TSHZ3: variants seen among roughly 807,000 people sequenced by gnomAD.
The protein encoded by TSHZ3 is teashirt homolog 3.
TSHZ3 carries 10 observed loss-of-function variants against 64.5 expected under a neutral mutation model. That is an observed-to-expected ratio of 0.16 (90% CI 0.10 to 0.26). The LOEUF is 0.26. TSHZ3 is among the 10% of genes least tolerant of loss of function. TSHZ3 has a pLI of 1.00. For synonymous variants in TSHZ3, 608 were observed against 593.1 expected (o/e 1.03, Z -0.36); for missense variants, 1,242 against 1,421.7 (o/e 0.87, Z 2.03).
chr19:31,199,595 AT>A (rs1162885625), intron 5 of TSHZ3, among the ~76,000 whole-genome samples: 1 of 150,158 alleles, frequency 6.7e-6, no homozygotes, highest in African/African-American at 2.5e-5. Flanking sequence ...CCCCAAATGA[AT>A]TTGAAACCAC....
intron 5 of TSHZ3, among the ~76,000 whole-genome samples, chr19:31,164,393 A>G (rs185271104): frequency 5.5e-4 from 84 of 152,336 alleles, no homozygotes; most frequent in African/African-American, 1.9e-3. Flanking sequence ...TAATAACCAA[A>G]GAAAGAAACA....
At chr19:31,212,689 T>C (rs1328743309) in intron 4 of TSHZ3, among the ~76,000 whole-genome samples, 1 of 152,046 alleles carries the variant, frequency 6.6e-6, no homozygotes, top group Non-Finnish European at 1.5e-5. Context: ...GGAAGACAGT[T>C]TGGTGGCTTC....
intron 1 of TSHZ3, among the ~76,000 whole-genome samples, chr19:31,319,489 A>G (rs779123176): frequency 2.0e-4 from 30 of 152,176 alleles, no homozygotes; most frequent in Non-Finnish European, 1.5e-4. Context: ...CCCTAAGGTG[A>G]GCATATCCAG....
chr19:31,329,844 T>C (rs1917027427), intron 1 of TSHZ3, among the ~76,000 whole-genome samples: 1 of 152,190 alleles, frequency 6.6e-6, no homozygotes, highest in Admixed American at 6.5e-5. Flanking sequence ...AATTCTATCT[T>C]CAGTCCCATC....
At chr19:31,248,669 T>C (rs1975791029) in intron 1 of TSHZ3, among the ~76,000 whole-genome samples, 1 of 150,442 alleles carries the variant, frequency 6.6e-6, no homozygotes, top group South Asian at 2.1e-4. Flanking sequence ...CTTGTGCCTG[T>C]GGTCCCAGCT....
chr19:31,221,203 G>A (rs1004289513), intron 4 of TSHZ3, among the ~76,000 whole-genome samples: 1 of 152,166 alleles, frequency 6.6e-6, no homozygotes, highest in Non-Finnish European at 1.5e-5. Context: ...TTAGAGGTAA[G>A]GGTAAAGTGC....
At chr19:31,344,041 T>C (rs1014184634) in intron 1 of TSHZ3, among the ~76,000 whole-genome samples, 2 of 152,236 alleles carry the variant, frequency 1.3e-5, no homozygotes, top group African/African-American at 2.4e-5. Flanking sequence ...TGCCTGTCTA[T>C]TGAGTCTAAT....
intron 5 of TSHZ3, among the ~76,000 whole-genome samples, chr19:31,156,676 T>A (rs954948587): frequency 6.6e-5 from 10 of 152,174 alleles, no homozygotes; most frequent in African/African-American, 2.2e-4. Context: ...ATTCCCAGGG[T>A]CATCAGTATC....
chr19:31,330,713 G>T (rs549663216), intron 1 of TSHZ3, among the ~76,000 whole-genome samples: 4 of 151,880 alleles, frequency 2.6e-5, no homozygotes, highest in Admixed American at 2.0e-4. Context: ...CTTGGGCGGG[G>T]GGAGGAAAGT....
Position 31,278,728 on chromosome 19 carries a change from GTTC to G in TSHZ3, c.1062_1064del (p.Lys354del). ...TATTTGGCGTGATGTAAGGGTTGGAGTTCTTCTGAAGTGCATCGTTGGTGTCTG... is the reference window on the plus strand; with the variant it reads ...TATTTGGCGTGATGTAAGGGTTGGAGTTCTGAAGTGCATCGTTGGTGTCTG... On this transcript the variant is annotated inframe_deletion, in exon 2 of 2. Transcript: ENST00000240587. The surrounding 1 kb of genome is among the most constrained non-coding windows in gnomAD (Gnocchi z 4.7). 6.2e-7 allele frequency: 1 copy of G among 1,614,194 alleles called. No individual in the cohort carries two copies. Among genetic ancestry groups the G allele is most frequent in the Non-Finnish European group, 8.5e-7 (1 of 1,180,048 alleles).
intron 1 of TSHZ3, among the ~76,000 whole-genome samples, chr19:31,250,834 A>T (rs958650896): frequency 6.6e-6 from 1 of 152,194 alleles, no homozygotes; most frequent in African/African-American, 2.4e-5. Flanking sequence ...AGCTGCTGTC[A>T]TCTGAGGAAT....
chr19:31,308,660 G>A (rs1293103340), intron 1 of TSHZ3: 7 of 398,418 alleles, frequency 1.8e-5, no homozygotes, highest in South Asian at 1.3e-4. Context: ...AGGGCAGCAC[G>A]TTCTCCACCC....
chr19:31,187,800 C>T (rs1421443990), intron 5 of TSHZ3, among the ~76,000 whole-genome samples: 2 of 152,082 alleles, frequency 1.3e-5, no homozygotes, highest in Non-Finnish European at 2.9e-5. Context: ...GTCTGTTTCA[C>T]ACCAATGCAA....
intron 1 of TSHZ3, among the ~76,000 whole-genome samples, chr19:31,314,407 G>T (rs1299830890): frequency 1.3e-5 from 2 of 152,156 alleles, no homozygotes; most frequent in Non-Finnish European, 2.9e-5. Context: ...CCTGCACGGT[G>T]GGGCTCTGCC....
intron 1 of TSHZ3, among the ~76,000 whole-genome samples, chr19:31,300,594 C>T (rs573069211): frequency 7.2e-5 from 11 of 152,282 alleles, no homozygotes; most frequent in African/African-American, 1.9e-4. Context: ...GCCTCTCTAA[C>T]GATGCACTCG....
At chr19:31,248,946 G>C (rs1463322896) in intron 1 of TSHZ3, among the ~76,000 whole-genome samples, 2 of 152,034 alleles carry the variant, frequency 1.3e-5, no homozygotes, top group Non-Finnish European at 2.9e-5. Flanking sequence ...AGGATGCTGG[G>C]GTGATGGAGC....
chr19:31,181,058 A>C (rs1974705518), intron 5 of TSHZ3, among the ~76,000 whole-genome samples: 1 of 152,064 alleles, frequency 6.6e-6, no homozygotes, highest in Non-Finnish European at 1.5e-5. Flanking sequence ...CATTAGGGGG[A>C]GAGATGACAC....
intron 1 of TSHZ3, among the ~76,000 whole-genome samples, chr19:31,249,293 G>A (rs1322236583): frequency 6.6e-6 from 1 of 152,218 alleles, no homozygotes; most frequent in Non-Finnish European, 1.5e-5. Flanking sequence ...CAGAGGGGCA[G>A]GATAGCCCAC....
chr19:31,259,315 C>A (rs571509798), intron 1 of TSHZ3, among the ~76,000 whole-genome samples: 4 of 152,290 alleles, frequency 2.6e-5, no homozygotes, highest in Non-Finnish European at 4.4e-5. Context: ...TATATTAGCG[C>A]AATTGCATTT....
Sources: allele counts gnomAD v4.1 joint callset (sites outside exome capture counted in the v4.1 genomes callset), GRCh38; gene constraint gnomAD v4.1.1; non-coding constraint Gnocchi (gnomAD v3.1); transcripts MANE v1.5; gene names NCBI Gene and HGNC (gene_info 2026-07-23, HGNC 2026-07-21).